The following STK3 variants were observed in gnomAD, a reference collection of about 807,000 sequenced individuals.
STK3 encodes serine/threonine kinase 3, also known as serine/threonine-protein kinase 3.
STK3 carries 41 observed loss-of-function variants against 58.0 expected under a neutral mutation model. The ratio of observed to expected loss-of-function variants is 0.71; its 90% CI spans 0.55 to 0.92. The LOEUF (loss-of-function observed/expected upper bound fraction) is 0.92. Ranked by LOEUF, STK3 falls within the 40% of genes least tolerant of loss-of-function variation. STK3 has a pLI of 0.00. For missense variants in STK3, 479 were observed against 602.7 expected (o/e 0.79, Z 2.15); for synonymous variants, 170 against 191.0 (o/e 0.89, Z 0.91).
intron 3 of STK3, among the ~76,000 whole-genome samples, chr8:98,756,752 A>G (rs916532551): frequency 3.3e-5 from 5 of 152,164 alleles, no homozygotes; most frequent in Non-Finnish European, 7.3e-5. Flanking sequence ...ATTCCTAGAG[A>G]CAGCAAACTA....
intron 7 of STK3, among the ~76,000 whole-genome samples, chr8:98,587,784 G>A (rs1814794208): frequency 6.6e-6 from 1 of 152,116 alleles, no homozygotes; most frequent in Non-Finnish European, 1.5e-5. Flanking sequence ...GGGTGCTCCT[G>A]TGTTGGGTGC....
Position 98,586,726 on chromosome 8 carries a change from C to T in STK3, c.823-6937G>A, listed in dbSNP as rs1464264989. Among the ~76,000 whole-genome samples the T allele has an allele frequency of 3.3e-5, 5 of 151,970 alleles. 1 individual carries two copies. The highest frequency in any genetic ancestry group is 1.2e-4 in the African/African-American group (5 of 41,238). Reference sequence around the variant, plus strand: ...AATTAGGCTGTGAATCTGTCTGGTCCTGGACTCTTTTTGGTTGGTAAGCTA... The same window carrying T: ...AATTAGGCTGTGAATCTGTCTGGTCTTGGACTCTTTTTGGTTGGTAAGCTA... On this transcript the variant is annotated intron_variant, in intron 7 of 10. Transcript: ENST00000419617.
chr8:98,459,818 A>G (rs1819804780), intron 10 of STK3, among the ~76,000 whole-genome samples: 1 of 152,238 alleles, frequency 6.6e-6, no homozygotes, highest in Non-Finnish European at 1.5e-5. Flanking sequence ...GAAGTCAAGA[A>G]TTGAGGCTTG....
At chr8:98,629,296 A>G (rs1273553627) in intron 6 of STK3, among the ~76,000 whole-genome samples, 1 of 152,204 alleles carries the variant, frequency 6.6e-6, no homozygotes, top group African/African-American at 2.4e-5. Flanking sequence ...TTGAGCAGTG[A>G]AATCTACTTT....
At chr8:98,787,656 GAA>G (rs539398316) in intron 1 of STK3, among the ~76,000 whole-genome samples, 2 of 152,144 alleles carry the variant, frequency 1.3e-5, no homozygotes, top group Non-Finnish European at 2.9e-5. Flanking sequence ...TTAAGACAAA[GAA>G]AAGAGTCTTA....
At chr8:98,541,758 C>A (rs1227961056) in intron 9 of STK3, among the ~76,000 whole-genome samples, 1 of 152,172 alleles carries the variant, frequency 6.6e-6, no homozygotes, top group African/African-American at 2.4e-5. Flanking sequence ...TTCCTAATAT[C>A]CTAAGATACA....
chr8:98,595,410 A>T (rs1158574436), intron 7 of STK3: 1 of 152,046 alleles, frequency 6.6e-6, no homozygotes, highest in African/African-American at 2.4e-5. Flanking sequence ...TTAACAATAG[A>T]AATCATTTAG....
intron 6 of STK3, among the ~76,000 whole-genome samples, chr8:98,637,724 A>T (rs1158851704): frequency 6.6e-6 from 1 of 152,054 alleles, no homozygotes; most frequent in African/African-American, 2.4e-5. Flanking sequence ...TTTTTAACCA[A>T]TTTTTTTATG....
intron 1 of STK3, among the ~76,000 whole-genome samples, chr8:98,385,230 G>A (rs1423611048): frequency 6.6e-6 from 1 of 152,002 alleles, no homozygotes; most frequent in African/African-American, 2.4e-5. Context: ...GATTTGGAGG[G>A]TGGGTGGCAG....
In STK3 at chr8:98,719,740, G is replaced by A. The variant is rs146688110; in HGVS notation, c.352-12429C>T. On this transcript the variant is annotated intron_variant, in intron 4 of 10. Transcript: ENST00000419617. Reference sequence around the variant, plus strand: ...TATTCTTGACTGGCTCTACCACAGCGCTGATACTCTTCAAGGTGCTGGATA... The same window carrying A: ...TATTCTTGACTGGCTCTACCACAGCACTGATACTCTTCAAGGTGCTGGATA... Among the ~76,000 whole-genome samples the A allele has an allele frequency of 2.8e-3, 432 of 152,306 alleles. 1 individual carries two copies. The highest frequency in any genetic ancestry group is 9.4e-3 in the African/African-American group (392 of 41,568).
At chr8:98,503,784 T>C (rs1364509104) in intron 10 of STK3, among the ~76,000 whole-genome samples, 1 of 152,226 alleles carries the variant, frequency 6.6e-6, no homozygotes, top group Non-Finnish European at 1.5e-5. Context: ...TTGTGATTTC[T>C]GTTCTTTTAC....
At chr8:98,677,212 C>A (rs1375156642) in intron 6 of STK3, among the ~76,000 whole-genome samples, 1 of 152,070 alleles carries the variant, frequency 6.6e-6, no homozygotes, top group Non-Finnish European at 1.5e-5. Context: ...GCCCTTGGCC[C>A]TACTCCTTAC....
chr8:98,767,319 C>A lies in STK3; in HGVS notation c.160G>T (p.Ala54Ser), dbSNP rs1384400929. 1 of 1,611,094 alleles carries A rather than the reference C, an allele frequency of 6.2e-7. No individual in the cohort carries two copies. Among genetic ancestry groups the A allele is most frequent in the South Asian group, 1.1e-5 (1 of 90,586 alleles). Reference protein sequence around the residue: ...AIHKESGQVVAIKQVPVESDL... With the variant: ...AIHKESGQVVSIKQVPVESDL... ...GATTCAACAGGTACTTGTTTAATTG[C>A]GACAACTTGACCGGATTCCTTGTGT... The change falls in exon 3 of 11, where the codon GCA becomes TCA. Residue 54 changes from alanine (A) to serine (S), a missense_variant. Ala to Ser is a moderately conservative substitution (Grantham distance 99, BLOSUM62 1). This residue lies in a region of STK3 where 126 missense variants were observed against 210.1 expected (regional missense o/e 0.60). Transcript: ENST00000419617.
intron 1 of STK3, among the ~76,000 whole-genome samples, chr8:98,813,754 C>A (rs567878210): frequency 6.6e-6 from 1 of 152,300 alleles, no homozygotes; most frequent in African/African-American, 2.4e-5. Context: ...CTGCAACATA[C>A]TCCCTATCCC....
At position 98,648,707 on chromosome 8, in the gene STK3, T is replaced by C. The variant is rs555370358; in HGVS notation, c.685-52538A>G. The stretch of plus-strand genomic sequence containing the variant: ...CAGGAGTTCAAGCCAGTCTGGCCAA[T>C]ATGGTGAAACCCCATCTCTACTAAA... On this transcript the variant is annotated intron_variant, in intron 6 of 10. Coordinates refer to ENST00000419617, the MANE Select transcript of STK3 (RefSeq NM_006281.4). Among the ~76,000 whole-genome samples, 61 of 151,936 alleles carry C rather than the reference T, an allele frequency of 4.0e-4. 1 individual carries two copies. Among genetic ancestry groups the C allele is most frequent in the Non-Finnish European group, 1.9e-4 (13 of 67,980 alleles).
chr8:98,887,949 G>T (rs1838052982), intron 1 of STK3, among the ~76,000 whole-genome samples: 1 of 152,192 alleles, frequency 6.6e-6, no homozygotes, highest in Admixed American at 6.6e-5. Context: ...GACAGTTGGA[G>T]ACCCAAGTAA....
At chr8:98,494,654 C>CAAAAA (rs398008984) in intron 10 of STK3, among the ~76,000 whole-genome samples, 5 of 40,428 alleles carry the variant, frequency 1.2e-4, no homozygotes, top group African/African-American at 2.3e-4. Flanking sequence ...GACCCTGTCT[C>CAAAAA]AAAAAAAAAA....
chr8:98,910,809 T>C (rs1839100584), intron 1 of STK3, among the ~76,000 whole-genome samples: 1 of 152,216 alleles, frequency 6.6e-6, no homozygotes, highest in Admixed American at 6.5e-5. Context: ...AATGAGTCTT[T>C]CCACTGAAAG....
At chr8:98,855,235 A>G (rs1836625893) in intron 3 of STK3, among the ~76,000 whole-genome samples, 1 of 152,234 alleles carries the variant, frequency 6.6e-6, no homozygotes, top group Non-Finnish European at 1.5e-5. Flanking sequence ...AAAAAGAAGA[A>G]TAAAGTAGGA....
Sources: gnomAD v4.1 joint callset for allele counts (sites outside exome capture counted in the v4.1 genomes callset) on GRCh38, gnomAD v4.1.1 for gene constraint, gnomAD v4.1.1 regional missense constraint, MANE v1.5 for transcripts, NCBI Gene and HGNC (gene_info 2026-07-23, HGNC 2026-07-21) for gene names.